The following NCAPG2 variants were observed in gnomAD, a reference collection of about 807,000 sequenced individuals.
The protein encoded by NCAPG2 is non-SMC condensin II complex subunit G2.
A neutral mutation model predicts 141.1 loss-of-function variants in NCAPG2; 53 were observed. The observed-to-expected ratio is 0.38, with a 90% CI of 0.30 to 0.47. The LOEUF is 0.47. Among genes scored for constraint, NCAPG2 ranks in the 20% least tolerant of loss-of-function variants. NCAPG2 has a pLI of 0.99. For synonymous variants in NCAPG2, 499 were observed against 490.7 expected (o/e 1.02, Z -0.22); for missense variants, 1,087 against 1,389.0 (o/e 0.78, Z 3.46).
At chr7:158,641,508 G>C in intron 27 of NCAPG2, 1 of 685,062 alleles carries the variant, frequency 1.5e-6, no homozygotes, top group Non-Finnish European at 2.6e-6. Flanking sequence ...GAGTCCAGGA[G>C]TCCAGGAGTT....
intron 26 of NCAPG2, among the ~76,000 whole-genome samples, chr7:158,644,752 A>T (rs1362747892): frequency 2.6e-5 from 4 of 152,216 alleles, no homozygotes; most frequent in Admixed American, 1.3e-4. Context: ...TCCATCCTCA[A>T]CATCCTCCTG....
chr7:158,651,977 G>T (rs1023030165), intron 23 of NCAPG2, among the ~76,000 whole-genome samples: 1 of 152,196 alleles, frequency 6.6e-6, no homozygotes, highest in Non-Finnish European at 1.5e-5. Flanking sequence ...TCTGCTTCCT[G>T]TCCTGCCGTC....
At chr7:158,690,448 G>C in intron 5 of NCAPG2, 120 bp downstream of exon 5, 1 of 936,890 alleles carries the variant, frequency 1.1e-6, no homozygotes, top group Non-Finnish European at 1.6e-6. Flanking sequence ...GAGAGGCTGA[G>C]GCAGGAGGAT....
chr7:158,637,941 C>G, intron 27 of NCAPG2, among the ~76,000 whole-genome samples: 1 of 152,096 alleles, frequency 6.6e-6, no homozygotes, highest in East Asian at 1.9e-4. Context: ...GCCAGGAGTT[C>G]AAGACCAGCC....
chr7:158,662,550 A>G (rs1312859760), intron 15 of NCAPG2, among the ~76,000 whole-genome samples, 183 bp from the exon 16 acceptor site: 1 of 152,248 alleles, frequency 6.6e-6, no homozygotes, highest in Non-Finnish European at 1.5e-5. Context: ...GCCCACCACG[A>G]TATAAATTCC....
chr7:158,695,871 G>A (rs1212072651), intron 2 of NCAPG2, among the ~76,000 whole-genome samples: 3 of 152,240 alleles, frequency 2.0e-5, no homozygotes, highest in Non-Finnish European at 4.4e-5. Context: ...AAGCTGTGCA[G>A]CCCTGTGCTG....
intron 13 of NCAPG2, among the ~76,000 whole-genome samples, chr7:158,666,967 C>T (rs1833008301): frequency 6.6e-6 from 1 of 152,122 alleles, no homozygotes; most frequent in Non-Finnish European, 1.5e-5. Flanking sequence ...GAGGTGTGCA[C>T]GCCAGGCCCG....
chr7:158,638,601 G>C (rs1446065854), intron 27 of NCAPG2, among the ~76,000 whole-genome samples: 1 of 151,908 alleles, frequency 6.6e-6, no homozygotes, highest in Admixed American at 6.5e-5. Context: ...TAAAATAAAA[G>C]GGTCAATTAA....
intron 5 of NCAPG2, 41 bp downstream of exon 5, chr7:158,690,527 G>C: frequency 6.3e-7 from 1 of 1,584,442 alleles, no homozygotes; most frequent in Non-Finnish European, 8.7e-7. Flanking sequence ...CTGGGCAATA[G>C]AGAGAGACCC....
chr7:158,692,699 C>A, intron 4 of NCAPG2, 143 bp downstream of exon 4: 2 of 647,288 alleles, frequency 3.1e-6, no homozygotes, highest in Non-Finnish European at 2.7e-6. Flanking sequence ...TGAGATCGCG[C>A]CATTGCACTC....
intron 6 of NCAPG2, among the ~76,000 whole-genome samples, chr7:158,687,689 C>A (rs1375100712): frequency 6.6e-6 from 1 of 152,174 alleles, no homozygotes; most frequent in Non-Finnish European, 1.5e-5. Context: ...TCAAGGGCCA[C>A]AGGTGCAGAG....
chr7:158,693,587 A>T (rs1835263642), intron 2 of NCAPG2, 90 bp from the exon 3 acceptor site: 1 of 1,148,428 alleles, frequency 8.7e-7, no homozygotes, highest in Non-Finnish European at 1.2e-6. Context: ...GTTAAGTGTT[A>T]ACTTCATTAC....
Position 158,631,482 on chromosome 7 carries a change from G to A in NCAPG2, c.*184C>T. The A allele has an allele frequency of 1.5e-6, 1 of 649,208 alleles. No individual in the cohort carries two copies. Among genetic ancestry groups the A allele is most frequent in the South Asian group, 1.8e-5 (1 of 55,576 alleles). The allele number at this position is 649,208 out of a possible 1,614,324, so 40.2% of individuals were successfully genotyped here. Reference sequence around the variant, plus strand: ...AAATATATTATTTACGCAGGCACTAGGCAAAATTGAAGAAGTTTTGAGTTA... The same window carrying A: ...AAATATATTATTTACGCAGGCACTAAGCAAAATTGAAGAAGTTTTGAGTTA... On this transcript the variant is annotated 3_prime_UTR_variant, in exon 28 of 28. Transcript: ENST00000356309.
rs1026854602 is a variant in NCAPG2 at position 158,701,871 on chromosome 7, G to C, written c.29C>G (p.Ala10Gly). 1 of 1,613,606 alleles carries C rather than the reference G, an allele frequency of 6.2e-7. No homozygotes were observed. The highest frequency in any genetic ancestry group is 8.5e-7 in the Non-Finnish European group (1 of 1,179,878). The change falls in exon 2 of 28, where the codon GCC becomes GGC. Residue 10 changes from alanine (A) to glycine (G), a missense_variant. Ala to Gly is a moderately conservative substitution (Grantham distance 60). Coordinates refer to ENST00000356309, the MANE Select transcript of NCAPG2 (RefSeq NM_017760.7). MEKRETFVQ[A>G]VSKELVGEFL... is the part of the protein sequence containing the mutation. Reference sequence around the variant, plus strand: ...CTCTCCAACCAGCTCCTTAGACACGGCTTGTACAAACGTCTCACGTTTTTC... The same window carrying C: ...CTCTCCAACCAGCTCCTTAGACACGCCTTGTACAAACGTCTCACGTTTTTC...
At chr7:158,682,589 A>G (rs993241325) in intron 9 of NCAPG2, among the ~76,000 whole-genome samples, 13 of 152,238 alleles carry the variant, frequency 8.5e-5, no homozygotes, top group Admixed American at 8.5e-4. Context: ...AAACAAAGAA[A>G]TGAGTAGTCT....
chr7:158,667,529 C>T (rs1587187721), intron 13 of NCAPG2, among the ~76,000 whole-genome samples: 1 of 60,572 alleles, frequency 1.7e-5, no homozygotes, highest in Non-Finnish European at 3.1e-5. Flanking sequence ...CCCTCCTTAC[C>T]TACCCTGTGG....
chr7:158,683,446 C>T, intron 8 of NCAPG2, 60 bp from the exon 9 acceptor site: 1 of 1,256,054 alleles, frequency 8.0e-7, no homozygotes, highest in South Asian at 1.4e-5. Flanking sequence ...GACGACCTGA[C>T]AAGCAGTGCG....
chr7:158,695,911 G>A (rs1294898758), intron 2 of NCAPG2, among the ~76,000 whole-genome samples: 1 of 152,220 alleles, frequency 6.6e-6, no homozygotes, highest in Non-Finnish European at 1.5e-5. Flanking sequence ...AGGGGCCGGT[G>A]GGGTGGACAT....
intron 11 of NCAPG2, among the ~76,000 whole-genome samples, chr7:158,677,396 C>T (rs1389400945): frequency 1.3e-5 from 2 of 151,968 alleles, no homozygotes; most frequent in Non-Finnish European, 2.9e-5. Flanking sequence ...CATGACTCTA[C>T]ACAACTAGAG....
Sources: gnomAD v4.1 joint callset for allele counts (sites outside exome capture counted in the v4.1 genomes callset) on GRCh38, gnomAD v4.1.1 for gene constraint, MANE v1.5 for transcripts, NCBI Gene and HGNC (gene_info 2026-07-23, HGNC 2026-07-21) for gene names.